The following PDE4D variants were observed in gnomAD, a reference collection of about 807,000 sequenced individuals.
The protein encoded by PDE4D is 3',5'-cyclic-AMP phosphodiesterase 4D.
Under a neutral mutation model 87.4 loss-of-function variants are expected in PDE4D, and 24 were observed. The ratio of observed to expected loss-of-function variants is 0.27; its 90% CI spans 0.20 to 0.39. PDE4D has a LOEUF of 0.39. Among genes scored for constraint, PDE4D ranks in the 10% least tolerant of loss-of-function variants. PDE4D has a pLI of 1.00. For missense variants in PDE4D, 714 were observed against 1,041.0 expected (o/e 0.69, Z 4.32); for synonymous variants, 384 against 383.2 (o/e 1.00, Z -0.02).
intron 1 of PDE4D, among the ~76,000 whole-genome samples, chr5:59,267,740 CTG>C (rs1418287461): frequency 6.6e-6 from 1 of 152,076 alleles, no homozygotes; most frequent in Non-Finnish European, 1.5e-5. Flanking sequence ...CTTCCTAACT[CTG>C]TGGGTTTAAA....
At chr5:60,459,447 G>T (rs1746750212) in intron 1 of PDE4D, among the ~76,000 whole-genome samples, 1 of 151,950 alleles carries the variant, frequency 6.6e-6, no homozygotes, top group East Asian at 1.9e-4. Flanking sequence ...AATGCTAACT[G>T]TCCATATTCA....
chr5:60,369,144 T>C (rs1204182269), intron 1 of PDE4D, among the ~76,000 whole-genome samples: 5 of 151,896 alleles, frequency 3.3e-5, no homozygotes, highest in Non-Finnish European at 7.4e-5. Context: ...TATGCCTTTT[T>C]TTTTCTCTTC....
At chr5:60,165,183 T>C (rs1476429174) in intron 2 of PDE4D, among the ~76,000 whole-genome samples, 1 of 152,208 alleles carries the variant, frequency 6.6e-6, no homozygotes, top group Non-Finnish European at 1.5e-5. Flanking sequence ...TTCTCCAGGT[T>C]CATCCATGTT....
At chr5:60,337,351 C>CTATATATATATATATATA (rs748923956) in intron 1 of PDE4D, among the ~76,000 whole-genome samples, 30 of 62,234 alleles carry the variant, frequency 4.8e-4, no homozygotes, top group Non-Finnish European at 5.7e-4. Flanking sequence ...AACAAACAAA[C>CTATATATATATATATATA]TATATATATA....
chr5:59,356,952 G>T (rs1781478584), intron 1 of PDE4D: 5 of 1,361,418 alleles, frequency 3.7e-6, no homozygotes, highest in Non-Finnish European at 4.7e-6. Context: ...TTGTAGCTGA[G>T]TGAGGGCATT....
chr5:59,143,204 T>C (rs1488259296), intron 5 of PDE4D, among the ~76,000 whole-genome samples: 1 of 149,996 alleles, frequency 6.7e-6, no homozygotes, highest in African/African-American at 2.5e-5. Flanking sequence ...CTCCCTCTTT[T>C]CCTTCTTTCT....
chr5:59,322,622 T>C (rs955582555), intron 1 of PDE4D, among the ~76,000 whole-genome samples: 1 of 152,136 alleles, frequency 6.6e-6, no homozygotes, highest in Non-Finnish European at 1.5e-5. Flanking sequence ...TTGCAGCATA[T>C]ATTCACCATC....
At chr5:59,255,749 T>C (rs1207149943) in intron 1 of PDE4D, among the ~76,000 whole-genome samples, 1 of 152,110 alleles carries the variant, frequency 6.6e-6, no homozygotes, top group Non-Finnish European at 1.5e-5. Flanking sequence ...ATTTATGTTT[T>C]CATTGCACTT....
chr5:59,032,094 T>A (rs1449090290), intron 6 of PDE4D, among the ~76,000 whole-genome samples: 1 of 152,174 alleles, frequency 6.6e-6, no homozygotes, highest in African/African-American at 2.4e-5. Context: ...TTTTTGACAT[T>A]CTCATCACAA....
At chr5:59,194,692 T>G (rs1449097291) in intron 2 of PDE4D, among the ~76,000 whole-genome samples, 1 of 152,218 alleles carries the variant, frequency 6.6e-6, no homozygotes, top group African/African-American at 2.4e-5. Context: ...AAGGGGCACC[T>G]GCTCTTTGTA....
intron 1 of PDE4D, among the ~76,000 whole-genome samples, chr5:59,278,875 G>T (rs1765313479): frequency 6.6e-6 from 1 of 152,180 alleles, no homozygotes; most frequent in African/African-American, 2.4e-5. Flanking sequence ...TTGCATACAG[G>T]TAGATTGTGC....
At chr5:59,301,044 G>T (rs1202131855) in intron 1 of PDE4D, among the ~76,000 whole-genome samples, 2 of 152,130 alleles carry the variant, frequency 1.3e-5, no homozygotes, top group African/African-American at 4.8e-5. Context: ...ACCTGGCTGT[G>T]CCAACCTCCA....
In PDE4D at chr5:59,232,261, A is replaced by C. The variant is rs190603235; in HGVS notation, c.456-16293T>G. Reference sequence around the variant, plus strand: ...TGTTAAATGGGAGAAAATATTTGCAAAATATATATCTGACAACGGACTAAT... The same window carrying C: ...TGTTAAATGGGAGAAAATATTTGCACAATATATATCTGACAACGGACTAAT... On this transcript the variant is annotated intron_variant, in intron 1 of 14. Transcript: ENST00000340635. Among the ~76,000 whole-genome samples, 290 of 152,322 alleles carry C rather than the reference A, an allele frequency of 1.9e-3. 1 individual carries two copies. The highest frequency in any genetic ancestry group is 1.2e-3 in the Non-Finnish European group (84 of 68,026).
intron 11 of PDE4D, among the ~76,000 whole-genome samples, chr5:58,982,848 T>C (rs1745546191): frequency 1.3e-5 from 2 of 152,174 alleles, no homozygotes; most frequent in South Asian, 4.1e-4. Context: ...ATCTACAGAA[T>C]GGGTCATCCT....
intron 1 of PDE4D, among the ~76,000 whole-genome samples, chr5:59,833,076 G>A (rs2152699843): frequency 6.6e-6 from 1 of 152,202 alleles, no homozygotes; most frequent in African/African-American, 2.4e-5. Flanking sequence ...GCAACTGGAA[G>A]GCAGGCTGTC....
intron 1 of PDE4D, among the ~76,000 whole-genome samples, chr5:60,237,952 T>C (rs77728570): frequency 0.014 from 2,124 of 152,010 alleles, 25 homozygotes; most frequent in Middle Eastern, 0.034. Flanking sequence ...GCCCAGTGTA[T>C]CCTTCCCTCT....
intron 1 of PDE4D, among the ~76,000 whole-genome samples, chr5:59,659,462 T>C (rs983274864): frequency 6.6e-6 from 1 of 152,226 alleles, no homozygotes; most frequent in African/African-American, 2.4e-5. Flanking sequence ...TGGAGAAAAC[T>C]GTGAAGAAAA....
intron 6 of PDE4D, chr5:58,999,798 G>T: frequency 1.0e-6 from 1 of 1,004,784 alleles, no homozygotes. Context: ...GAAAATCCAC[G>T]TGATAAAGGA....
intron 1 of PDE4D, among the ~76,000 whole-genome samples, chr5:59,428,050 G>T (rs1007307804): frequency 1.2e-4 from 18 of 152,102 alleles, no homozygotes; most frequent in African/African-American, 4.3e-4. Context: ...GATTTAGTAT[G>T]TTAACTGCTT....
Sources: gnomAD v4.1 joint callset for allele counts (sites outside exome capture counted in the v4.1 genomes callset) on GRCh38, gnomAD v4.1.1 for gene constraint, MANE v1.5 for transcripts, NCBI Gene and HGNC (gene_info 2026-07-23, HGNC 2026-07-21) for gene names.